The following SLC25A21 variants were observed in gnomAD, a reference collection of about 807,000 sequenced individuals.
The protein encoded by SLC25A21 is mitochondrial 2-oxodicarboxylate carrier.
In SLC25A21, 47 loss-of-function variants were observed where a neutral mutation model predicts 43.8. The ratio of observed to expected loss-of-function variants is 1.07; its 90% CI spans 0.85 to 1.37. The LOEUF (loss-of-function observed/expected upper bound fraction) is 1.37. Among genes scored for constraint, SLC25A21 ranks in the 40% most tolerant of loss-of-function variants. SLC25A21 has a pLI of 0.00. For synonymous variants in SLC25A21, 131 were observed against 121.3 expected (o/e 1.08, Z -0.52); for missense variants, 352 against 350.2 (o/e 1.00, Z -0.04).
intron 3 of SLC25A21, among the ~76,000 whole-genome samples, chr14:36,749,863 C>T (rs1332391649): frequency 2.6e-5 from 4 of 152,196 alleles, no homozygotes; most frequent in Non-Finnish European, 2.9e-5. Flanking sequence ...TGAGTCCTTT[C>T]TATTCCTTCT....
Position 36,831,475 on chromosome 14 carries a change from T to G in SLC25A21, c.120-17474A>C, listed in dbSNP as rs191012711. On this transcript the variant is annotated intron_variant, in intron 2 of 9. Transcript: ENST00000331299. Reference sequence around the variant, plus strand: ...GAAAAGCTCTTTAAGGCTAAAATGCTAGTATTTCTGTATATAGCTGTACCC... The same window carrying G: ...GAAAAGCTCTTTAAGGCTAAAATGCGAGTATTTCTGTATATAGCTGTACCC... 2.3e-3 allele frequency among the ~76,000 whole-genome samples: 354 copies of G among 152,322 alleles called. 3 individuals carry two copies. The South Asian group carries it at 0.026, about 11-fold the overall frequency.
intron 3 of SLC25A21, among the ~76,000 whole-genome samples, chr14:36,779,123 CTA>C (rs1418974756): frequency 1.3e-5 from 2 of 150,148 alleles, no homozygotes; most frequent in African/African-American, 4.9e-5. Flanking sequence ...CTAGGTTCAT[CTA>C]TGTTGTTGCA....
At chr14:37,037,626 C>A (rs1391621672) in intron 1 of SLC25A21, among the ~76,000 whole-genome samples, 1 of 151,744 alleles carries the variant, frequency 6.6e-6, no homozygotes, top group Non-Finnish European at 1.5e-5. Context: ...AATTTGATTT[C>A]TCCCCTTTTT....
chr14:37,006,492 C>T (rs1704729444), intron 1 of SLC25A21, among the ~76,000 whole-genome samples: 2 of 151,844 alleles, frequency 1.3e-5, no homozygotes. Flanking sequence ...AAAGATTTGC[C>T]AAAATTGTGC....
At chr14:36,722,593 CT>C (rs1333337121) in intron 6 of SLC25A21, among the ~76,000 whole-genome samples, 5 of 151,902 alleles carry the variant, frequency 3.3e-5, no homozygotes, top group Non-Finnish European at 1.5e-5. Context: ...TAAAATTGCT[CT>C]AAAAATAGTC....
chr14:36,842,268 G>GC (rs1390912906), intron 2 of SLC25A21, among the ~76,000 whole-genome samples: 17 of 152,106 alleles, frequency 1.1e-4, no homozygotes, highest in Admixed American at 1.1e-3. Flanking sequence ...GCAATGATAT[G>GC]CCCCAGGGAA....
At chr14:36,988,767 T>C (rs1016485599) in intron 1 of SLC25A21, among the ~76,000 whole-genome samples, 5 of 152,316 alleles carry the variant, frequency 3.3e-5, no homozygotes, top group African/African-American at 1.2e-4. Flanking sequence ...TTACATTTAA[T>C]GGATAGTGTG....
chr14:36,745,413 C>G (rs894638751), intron 3 of SLC25A21, among the ~76,000 whole-genome samples: 1 of 152,092 alleles, frequency 6.6e-6, no homozygotes, highest in East Asian at 1.9e-4. Flanking sequence ...CTTGAGGAAT[C>G]GCCACACTGT....
chr14:37,012,766 T>G (rs1303870855), intron 1 of SLC25A21, among the ~76,000 whole-genome samples: 1 of 152,184 alleles, frequency 6.6e-6, no homozygotes, highest in African/African-American at 2.4e-5. Flanking sequence ...ATCAAACACT[T>G]AGGACACTCA....
At chr14:36,843,961 G>A (rs1427362364) in intron 2 of SLC25A21, among the ~76,000 whole-genome samples, 1 of 152,166 alleles carries the variant, frequency 6.6e-6, no homozygotes, top group Non-Finnish European at 1.5e-5. Context: ...ATGCAGATCA[G>A]TTATGTATAA....
rs933310570 is a variant in SLC25A21, at chr14:36,678,355, C to T, written c.*2303G>A. 32 of 825,770 alleles carry T rather than the reference C, an allele frequency of 3.9e-5. No individual in the cohort carries two copies. The highest frequency in any genetic ancestry group is 5.3e-5 in the East Asian group (2 of 37,478). The allele number at this position is 825,770 out of a possible 1,614,324, so 51.2% of individuals were successfully genotyped here. On this transcript the variant is annotated 3_prime_UTR_variant, in exon 10 of 10. Transcript: ENST00000331299. ...GAACTGCATTTATTTCTAAAGCAAC[C>T]GAAATTCAGTGCTACAAATAGAGGA... is the stretch of plus-strand genomic sequence containing the variant.
chr14:36,921,398 T>C (rs1289078512), intron 1 of SLC25A21, among the ~76,000 whole-genome samples: 1 of 152,084 alleles, frequency 6.6e-6, no homozygotes, highest in East Asian at 1.9e-4. Flanking sequence ...ATAGAGTCCT[T>C]TATCCTCAAT....
intron 1 of SLC25A21, among the ~76,000 whole-genome samples, chr14:36,919,577 C>T (rs897207349): frequency 2.0e-5 from 3 of 151,820 alleles, no homozygotes; most frequent in Non-Finnish European, 4.4e-5. Flanking sequence ...TATAGATATA[C>T]ATACATCAAT....
chr14:37,047,634 C>T (rs1006864642), intron 1 of SLC25A21, among the ~76,000 whole-genome samples: 2 of 152,196 alleles, frequency 1.3e-5, no homozygotes, highest in African/African-American at 2.4e-5. Flanking sequence ...ACTATTAAAT[C>T]AGTCCCAGCA....
intron 3 of SLC25A21, among the ~76,000 whole-genome samples, chr14:36,749,711 G>A (rs1004017684): frequency 5.9e-5 from 9 of 152,084 alleles, no homozygotes; most frequent in Admixed American, 2.0e-4. Context: ...TCACTCCAGC[G>A]CCTTTACACA....
At chr14:37,028,016 TCTAAA>T (rs1961130156) in intron 1 of SLC25A21, among the ~76,000 whole-genome samples, 1 of 152,200 alleles carries the variant, frequency 6.6e-6, no homozygotes, top group African/African-American at 2.4e-5. Context: ...ATCTTTAGTA[TCTAAA>T]CTAAGAAAAC....
At chr14:36,854,927 A>C (rs2138521109) in intron 2 of SLC25A21, among the ~76,000 whole-genome samples, 1 of 114,246 alleles carries the variant, frequency 8.8e-6, no homozygotes, top group South Asian at 2.9e-4. Flanking sequence ...TTTCTGGGGC[A>C]TGAGGTGGGG....
chr14:37,053,011 C>G (rs534938511), intron 1 of SLC25A21, among the ~76,000 whole-genome samples: 1 of 152,196 alleles, frequency 6.6e-6, no homozygotes, highest in South Asian at 2.1e-4. Context: ...TTTTTGACAG[C>G]TTTATTGAAG....
chr14:37,139,546 A>G (rs953695791), intron 1 of SLC25A21, among the ~76,000 whole-genome samples: 1 of 152,286 alleles, frequency 6.6e-6, no homozygotes, highest in East Asian at 1.9e-4. Flanking sequence ...TTCAAGGAAA[A>G]ATTTCAAGAC....
Sources: allele counts gnomAD v4.1 joint callset (sites outside exome capture counted in the v4.1 genomes callset), GRCh38; gene constraint gnomAD v4.1.1; transcripts MANE v1.5; gene names NCBI Gene and HGNC (gene_info 2026-07-23, HGNC 2026-07-21).